The following TNS3 variants were observed in gnomAD, a reference collection of about 807,000 sequenced individuals.
TNS3 encodes tensin-3.
Under a neutral mutation model 140.9 loss-of-function variants are expected in TNS3, and 45 were observed. The ratio of observed to expected loss-of-function variants is 0.32; its 90% confidence interval spans 0.25 to 0.41. The LOEUF (loss-of-function observed/expected upper bound fraction) is 0.41. Among genes scored for constraint, TNS3 ranks in the 10% least tolerant of loss-of-function variants. The pLI, the probability that TNS3 is intolerant of heterozygous loss-of-function variation, is 1.00. For synonymous variants in TNS3, 815 were observed against 788.4 expected (o/e 1.03, Z -0.56); for missense variants, 1,716 against 1,906.7 (o/e 0.90, Z 1.86).
At position 47,396,885 on chromosome 7, in the gene TNS3, G is replaced by T. The variant is rs376801827; in HGVS notation, c.939C>A (p.Asn313Lys). 2.0e-5 allele frequency: 32 copies of T among 1,613,906 alleles called. No individual in the cohort carries two copies. The Middle Eastern group carries it at 4.9e-4, about 25-fold the overall frequency. Residue 313 changes from asparagine to lysine, a missense_variant, in exon 16 of 31, where the codon AAC becomes AAA. Physicochemically the swap from Asn to Lys is moderately conservative, Grantham distance 94 (BLOSUM62 0). This residue lies in a region of TNS3 where 337 missense variants were observed against 428.9 expected (regional missense o/e 0.79). Transcript: ENST00000311160. ...EKIQGSEHLY[N>K]DHGVIVDYNT... is the part of the protein sequence containing the mutation. ...TGTAGTCCACAATCACACCGTGGTC[G>T]TTGTACAAGTGTTCGGACCCTGCAC...
intron 10 of TNS3, 82 bp from the exon 11 acceptor site, chr7:47,415,288 C>A: frequency 1.1e-6 from 1 of 913,520 alleles, no homozygotes; most frequent in Non-Finnish European, 1.7e-6. Context: ...GAAACACATC[C>A]TGGCTGAGTC....
At chr7:47,441,126 CA>C (rs2151572959) in intron 5 of TNS3, among the ~76,000 whole-genome samples, 1 of 152,286 alleles carries the variant, frequency 6.6e-6, no homozygotes, top group East Asian at 1.9e-4. Flanking sequence ...TATCACACCT[CA>C]AAAAGAAATA....
chr7:47,280,009 A>T (rs1034316256), intron 30 of TNS3, 155 bp downstream of exon 30: 5 of 865,766 alleles, frequency 5.8e-6, no homozygotes, highest in African/African-American at 1.7e-5. Context: ...CCTTGTCCAT[A>T]ATGAGAACAC....
intron 1 of TNS3, among the ~76,000 whole-genome samples, chr7:47,550,212 G>A (rs1226595086): frequency 6.6e-6 from 1 of 152,136 alleles, no homozygotes; most frequent in Non-Finnish European, 1.5e-5. Context: ...GCCCAGACGC[G>A]AGAAGGGGTC....
chr7:47,389,148 A>AAGC (rs1281240657), intron 16 of TNS3, among the ~76,000 whole-genome samples: 994 of 14,674 alleles, frequency 0.068, 274 homozygotes, highest in Non-Finnish European at 0.15. Flanking sequence ...GAAGAAGAAG[A>AAGC]AGAAGAAGCA....
intron 2 of TNS3, among the ~76,000 whole-genome samples, chr7:47,516,994 C>T (rs563740402): frequency 2.0e-5 from 3 of 152,242 alleles, no homozygotes; most frequent in African/African-American, 7.2e-5. Flanking sequence ...ACCCAGGAGG[C>T]GGAGGTTGCA....
At position 47,287,438 on chromosome 7, in the gene TNS3, A is replaced by G. The variant is rs147362431; in HGVS notation, c.3929-3573T>C. ...TATAACGGGGAAATTGGACATGATC[A>G]TCTCAAAGAACATTGCACATCCAGG... On this transcript the variant is annotated intron_variant, in intron 27 of 30. Coordinates refer to ENST00000311160, the MANE Select transcript of TNS3 (RefSeq NM_022748.12). Among the ~76,000 whole-genome samples, 177 of 152,346 alleles carry G rather than the reference A, an allele frequency of 1.2e-3. 1 individual carries two copies. Among genetic ancestry groups the G allele is most frequent in the Non-Finnish European group, 2.1e-3 (144 of 68,020 alleles).
At chr7:47,478,676 TAA>T (rs1002136900) in intron 4 of TNS3, among the ~76,000 whole-genome samples, 5 of 152,034 alleles carry the variant, frequency 3.3e-5, no homozygotes, top group Admixed American at 6.6e-5. Flanking sequence ...CACTCACATA[TAA>T]AGACTGCATA....
intron 4 of TNS3, 45 bp downstream of exon 4, chr7:47,481,058 T>C: frequency 7.8e-7 from 1 of 1,285,568 alleles, no homozygotes; most frequent in Non-Finnish European, 1.0e-6. Flanking sequence ...GACTTAGTCC[T>C]TTCTTGGATG....
intron 10 of TNS3, among the ~76,000 whole-genome samples, chr7:47,422,516 G>A (rs1359645038): frequency 2.0e-5 from 3 of 151,984 alleles, no homozygotes; most frequent in African/African-American, 7.3e-5. Flanking sequence ...AAGAGGCTGA[G>A]GTGGAAGGAT....
chr7:47,438,346 T>A (rs1208742756), intron 6 of TNS3, among the ~76,000 whole-genome samples: 1 of 151,386 alleles, frequency 6.6e-6, no homozygotes, highest in African/African-American at 2.4e-5. Flanking sequence ...CATGGTCTCT[T>A]TGGGGAAGGG....
intron 1 of TNS3, among the ~76,000 whole-genome samples, chr7:47,581,138 G>A (rs1784521275): frequency 6.6e-6 from 1 of 152,008 alleles, no homozygotes; most frequent in Admixed American, 6.5e-5. Context: ...ATCTCTTCCC[G>A]CCACAGACAC....
At chr7:47,417,393 C>A (rs996512350) in intron 10 of TNS3, among the ~76,000 whole-genome samples, 9 of 152,326 alleles carry the variant, frequency 5.9e-5, no homozygotes, top group African/African-American at 2.2e-4. Flanking sequence ...AAGCTGACAG[C>A]AGAAGAACTT....
At chr7:47,440,635 C>T (rs1055439291) in intron 5 of TNS3, among the ~76,000 whole-genome samples, 2 of 152,168 alleles carry the variant, frequency 1.3e-5, no homozygotes, top group Admixed American at 6.5e-5. Context: ...GCCCTGTGGG[C>T]CCCAGGGAGG....
upstream of TNS3, chr7:47,582,328 T>G (rs927262692): frequency 2.4e-6 from 1 of 420,324 alleles, no homozygotes; most frequent in African/African-American, 2.0e-5. Flanking sequence ...CTCCCTTCGC[T>G]GGCCGCAGAG....
intron 1 of TNS3, among the ~76,000 whole-genome samples, chr7:47,544,996 G>A (rs914851439): frequency 6.6e-6 from 1 of 151,966 alleles, no homozygotes; most frequent in Non-Finnish European, 1.5e-5. Flanking sequence ...GACTTACTCT[G>A]CCACTTTGAG....
chr7:47,439,735 A>G, intron 5 of TNS3, 77 bp from the exon 6 acceptor site: 2 of 1,480,954 alleles, frequency 1.4e-6, no homozygotes, highest in Non-Finnish European at 1.8e-6. Flanking sequence ...AAAGGTGAAG[A>G]CGACGGACAC....
chr7:47,401,040 G>A (rs956892001), intron 13 of TNS3, 126 bp from the exon 14 acceptor site: 23 of 1,377,876 alleles, frequency 1.7e-5, no homozygotes, highest in African/African-American at 2.9e-5. Context: ...GGGAGTTCAC[G>A]CTTTGGAGTG....
chr7:47,505,655 A>G (rs910289914), intron 3 of TNS3, among the ~76,000 whole-genome samples: 26 of 152,344 alleles, frequency 1.7e-4, no homozygotes, highest in African/African-American at 6.3e-4. Context: ...TCCATAATGA[A>G]GACTTTAAAA....
Sources: allele counts gnomAD v4.1 joint callset (sites outside exome capture counted in the v4.1 genomes callset), GRCh38; gene constraint gnomAD v4.1.1; regional missense constraint gnomAD v4.1.1; transcripts MANE v1.5; gene names NCBI Gene and HGNC (gene_info 2026-07-23, HGNC 2026-07-21).